CLIP2: variants seen among roughly 807,000 people sequenced by gnomAD.
CLIP2 encodes CAP-Gly domain containing linker protein 2.
A neutral mutation model predicts 111.7 loss-of-function variants in CLIP2; 41 were observed. The observed-to-expected ratio is 0.37, with a 90% confidence interval of 0.29 to 0.48. The LOEUF (loss-of-function observed/expected upper bound fraction) is 0.48. Among genes scored for constraint, CLIP2 ranks in the 20% least tolerant of loss-of-function variants. CLIP2 has a pLI of 0.99. For synonymous variants in CLIP2, 660 were observed against 644.2 expected (o/e 1.02, Z -0.37); for missense variants, 1,160 against 1,422.1 (o/e 0.82, Z 2.96).
At chr7:74,314,560 TG>T (rs1204569963) in intron 1 of CLIP2, among the ~76,000 whole-genome samples, 2 of 152,224 alleles carry the variant, frequency 1.3e-5, no homozygotes, top group African/African-American at 4.8e-5. Flanking sequence ...CAGATATGGC[TG>T]GACAGACAAG....
chr7:74,322,699 C>T (rs1482384954), intron 2 of CLIP2, among the ~76,000 whole-genome samples: 4 of 152,116 alleles, frequency 2.6e-5, no homozygotes, highest in African/African-American at 9.7e-5. Flanking sequence ...TGAGCCACTA[C>T]ACCTGTCCCA....
rs1562736513 is a variant in CLIP2 at position 74,404,548 on chromosome 7, C to T, written c.*700C>T. 2 of 152,818 alleles carry T rather than the reference C, an allele frequency of 1.3e-5. No homozygotes were observed. The highest frequency in any genetic ancestry group is 6.5e-5 in the Admixed American group (1 of 15,280). The allele number at this position is 152,818 out of a possible 1,614,324, so 9.5% of individuals were successfully genotyped here. ...ACACACACACCTCTAAGCTGCTGGC[C>T]GAAGATGTCACCAAGGCCAAAGACA... On this transcript the variant is annotated 3_prime_UTR_variant, in exon 17 of 17. Transcript: ENST00000223398.
chr7:74,315,482 T>C (rs1265396116), intron 1 of CLIP2, among the ~76,000 whole-genome samples: 6 of 152,096 alleles, frequency 3.9e-5, no homozygotes, highest in African/African-American at 1.4e-4. Flanking sequence ...TGGGCTCAAG[T>C]GATCCTCCTG....
chr7:74,337,047 G>A lies in CLIP2; in HGVS notation c.122-1401G>A, dbSNP rs534402682. ...ATTACAGGCACCCACTACCACATCC[G>A]GCTAATTTTTTTGTATTTTTAGTAG... On this transcript the variant is annotated intron_variant, in intron 2 of 16. Transcript: ENST00000223398. 1.3e-4 allele frequency among the ~76,000 whole-genome samples: 20 copies of A among 151,736 alleles called. No individual in the cohort carries two copies. The South Asian group carries it at 2.1e-3, about 16-fold the overall frequency.
At chr7:74,335,498 T>TATTC (rs1231050571) in intron 2 of CLIP2, among the ~76,000 whole-genome samples, 22 of 94,236 alleles carry the variant, frequency 2.3e-4, no homozygotes, top group Admixed American at 9.0e-4. Flanking sequence ...CTGGCTTATT[T>TATTC]ATTCATTTAT....
chr7:74,386,652 C>T (rs1791110683), intron 12 of CLIP2, 48 bp downstream of exon 12: 10 of 1,463,496 alleles, frequency 6.8e-6, no homozygotes, highest in South Asian at 3.7e-5. Context: ...TCACTGGGGC[C>T]GTGCCATTCA....
chr7:74,379,980 C>T (rs1554313643), intron 10 of CLIP2: 1 of 152,108 alleles, frequency 6.6e-6, no homozygotes, highest in African/African-American at 2.4e-5. Context: ...TAGTGTGAGC[C>T]TCATTACTGC....
chr7:74,387,608 C>T (rs980134954), intron 12 of CLIP2, among the ~76,000 whole-genome samples: 2 of 152,164 alleles, frequency 1.3e-5, no homozygotes, highest in African/African-American at 4.8e-5. Context: ...AGACAGCCCC[C>T]CTCCTCGGAA....
chr7:74,372,698 C>A (rs553856119), intron 8 of CLIP2, among the ~76,000 whole-genome samples: 1 of 150,060 alleles, frequency 6.7e-6, no homozygotes, highest in Non-Finnish European at 1.5e-5. Flanking sequence ...CTGACCCAGC[C>A]GGGACACAGC....
chr7:74,316,080 T>C (rs1296100972), intron 1 of CLIP2, among the ~76,000 whole-genome samples: 2 of 135,052 alleles, frequency 1.5e-5, no homozygotes, highest in Non-Finnish European at 3.1e-5. Flanking sequence ...CCCCTCCCTG[T>C]GTCCATGTGT....
chr7:74,307,159 G>A (rs2116475895), intron 1 of CLIP2, among the ~76,000 whole-genome samples: 1 of 152,336 alleles, frequency 6.6e-6, no homozygotes. Flanking sequence ...CCCACAGCAA[G>A]GGTGGCCGGG....
At position 74,374,586 on chromosome 7, in the gene CLIP2, T is replaced by C. The variant is rs541374965; in HGVS notation, c.1486-1301T>C. On this transcript the variant is annotated intron_variant, in intron 9 of 16. Transcript: ENST00000223398. ...AAATACAAAAATTAACTGAGCGGGG[T>C]GGTGCACGCCTGTAGTCCCAGCTAC... Among the ~76,000 whole-genome samples, 3 of 151,942 alleles carry C rather than the reference T, an allele frequency of 2.0e-5. No individual in the cohort carries two copies. The East Asian group carries it at 5.8e-4, about 29-fold the overall frequency.
Position 74,376,084 on chromosome 7 carries a change from G to T in CLIP2, c.1683G>T (p.Gly561=). The change falls in exon 10 of 17, where the codon GGG becomes GGT. Residue 561 remains glycine, a synonymous_variant. Transcript: ENST00000223398. This position sits in a 1 kb window ranked among gnomAD's most constrained non-coding sequence, Gnocchi z 7.1. ...SASKEHQRES[G]VLRDKYEKAL... ...GCAAGGAACACCAGAGGGAGAGTGG[G>T]GTGCTGCGGGATAAATACGAGAAGG... 7.4e-6 allele frequency: 12 copies of T among 1,612,476 alleles called. No individual in the cohort carries two copies. Among genetic ancestry groups the T allele is most frequent in the Non-Finnish European group, 1.0e-5 (12 of 1,179,642 alleles).
Position 74,384,473 on chromosome 7 carries a change from TCTCA to T in CLIP2, c.2480-2044_2480-2041del, listed in dbSNP as rs1283864209. Among the ~76,000 whole-genome samples, 21 of 121,534 alleles carry T rather than the reference TCTCA, an allele frequency of 1.7e-4. No homozygotes were observed. In the East Asian group the frequency reaches 5.5e-3, roughly 32 times the overall value. 79.7% of individuals were successfully genotyped at this position (121,534 alleles called of 152,430 possible). ...TTTTTTTTTTTTTTTTGAGATGGAG[TCTCA>T]CTCTGTCACCCAGGCTGGAGTGCAG... is the stretch of plus-strand genomic sequence containing the variant. On this transcript the variant is annotated intron_variant, in intron 11 of 16. Coordinates refer to ENST00000223398, the MANE Select transcript of CLIP2 (RefSeq NM_003388.5).
chr7:74,305,838 T>C (rs1788466044), intron 1 of CLIP2, among the ~76,000 whole-genome samples: 2 of 138,462 alleles, frequency 1.4e-5, no homozygotes, highest in African/African-American at 5.6e-5. Flanking sequence ...CCAGCTGGCT[T>C]CTCTCCCTGC....
intron 1 of CLIP2, among the ~76,000 whole-genome samples, chr7:74,310,967 G>T (rs1263021476): frequency 6.8e-6 from 1 of 146,426 alleles, no homozygotes; most frequent in Admixed American, 7.2e-5. Flanking sequence ...TGCCTGCCTC[G>T]AGCTCCTATT....
chr7:74,330,056 G>A (rs1248728445), intron 2 of CLIP2, among the ~76,000 whole-genome samples: 1 of 151,898 alleles, frequency 6.6e-6, no homozygotes, highest in Non-Finnish European at 1.5e-5. Context: ...TGCAATTACA[G>A]ATGTGAGCCA....
At chr7:74,351,185 G>A (rs530120370) in intron 3 of CLIP2, among the ~76,000 whole-genome samples, 7 of 151,822 alleles carry the variant, frequency 4.6e-5, no homozygotes, top group African/African-American at 1.5e-4. Context: ...GGCCAGGCAC[G>A]GTGGCTCACG....
At chr7:74,345,939 C>G (rs1279769150) in intron 3 of CLIP2, among the ~76,000 whole-genome samples, 2 of 152,116 alleles carry the variant, frequency 1.3e-5, no homozygotes, top group Admixed American at 1.3e-4. Context: ...TATTTTCAAT[C>G]TCTCCTGAAT....
Sources: gnomAD v4.1 joint callset for allele counts (sites outside exome capture counted in the v4.1 genomes callset) on GRCh38, gnomAD v4.1.1 for gene constraint, Gnocchi (gnomAD v3.1) non-coding constraint, MANE v1.5 for transcripts, NCBI Gene and HGNC (gene_info 2026-07-23, HGNC 2026-07-21) for gene names.